The following BRD10 variants were observed in gnomAD, a reference collection of about 807,000 sequenced individuals.
BRD10 encodes the protein bromodomain containing 10.
chr9:5,939,965 G>A, the BRD10 span, among the ~76,000 whole-genome samples: 1 of 152,178 alleles, frequency 6.6e-6, no homozygotes, highest in African/African-American at 2.4e-5. Flanking sequence ...AAAACTGGGG[G>A]AGTTAGCATC....
the BRD10 span, among the ~76,000 whole-genome samples, chr9:5,999,807 T>C: frequency 6.6e-6 from 1 of 151,910 alleles, no homozygotes; most frequent in African/African-American, 2.4e-5. Context: ...ATATCCATCT[T>C]TGAATCTCCC....
the BRD10 span, among the ~76,000 whole-genome samples, chr9:5,880,258 A>G: frequency 6.6e-6 from 1 of 151,062 alleles, no homozygotes; most frequent in South Asian, 2.1e-4. Context: ...AAACAAGCCA[A>G]ATCCCAGCAC....
At chr9:5,951,035 T>TACACACACACAC in the BRD10 span, among the ~76,000 whole-genome samples, 1 of 141,664 alleles carries the variant, frequency 7.1e-6, no homozygotes, top group Non-Finnish European at 1.5e-5. Flanking sequence ...GGGCTGACTG[T>TACACACACACAC]ACACACACAC....
the BRD10 span, among the ~76,000 whole-genome samples, chr9:5,957,001 T>G: frequency 2.0e-5 from 3 of 152,070 alleles, no homozygotes; most frequent in Non-Finnish European, 4.4e-5. Context: ...TGTTTACAAT[T>G]CTGAGGGTCC....
chr9:5,933,648 G>C, the BRD10 span: 25 of 384,452 alleles, frequency 6.5e-5, no homozygotes, highest in East Asian at 1.8e-3. Context: ...ATAACTTAAG[G>C]AATCATAAAG....
chr9:5,924,602 CAA>C, the BRD10 span: 1 of 1,128,232 alleles, frequency 8.9e-7, no homozygotes. Context: ...TCACAGCAAA[CAA>C]AAACTTCTCT....
At chr9:5,946,281 T>C in the BRD10 span, among the ~76,000 whole-genome samples, 21 of 152,092 alleles carry the variant, frequency 1.4e-4, no homozygotes, top group Non-Finnish European at 2.4e-4. Context: ...ATTCATAGAA[T>C]TGACCAAGTA....
the BRD10 span, among the ~76,000 whole-genome samples, chr9:5,905,289 G>A: frequency 8.5e-5 from 13 of 152,122 alleles, no homozygotes; most frequent in African/African-American, 2.9e-4. Context: ...GGGACCCCAG[G>A]GAAACCTGAA....
At chr9:5,908,671 T>C in the BRD10 span, 1 of 1,614,118 alleles carries the variant, frequency 6.2e-7, no homozygotes, top group Non-Finnish European at 8.5e-7. Flanking sequence ...TATGAGAAAC[T>C]CTCTGCAGAA....
At chr9:5,982,033 T>TTATG in the BRD10 span, among the ~76,000 whole-genome samples, 11 of 136,260 alleles carry the variant, frequency 8.1e-5, no homozygotes, top group South Asian at 5.4e-4. Flanking sequence ...TATTGAAATT[T>TTATG]TATGTATGTA....
the BRD10 span, among the ~76,000 whole-genome samples, chr9:5,944,104 C>T: frequency 4.3e-4 from 65 of 152,180 alleles, 1 homozygote; most frequent in South Asian, 0.012. Context: ...TCATGATATT[C>T]CTAAGGCGCA....
At chr9:5,940,944 C>G in the BRD10 span, among the ~76,000 whole-genome samples, 8 of 152,020 alleles carry the variant, frequency 5.3e-5, no homozygotes. Flanking sequence ...CATCACATAA[C>G]CCAGAAGAGG....
chr9:5,940,361 A>G, the BRD10 span, among the ~76,000 whole-genome samples: 1 of 151,732 alleles, frequency 6.6e-6, no homozygotes, highest in East Asian at 1.9e-4. Flanking sequence ...AGCCTGGCTA[A>G]TTTTTGTATT....
the BRD10 span, among the ~76,000 whole-genome samples, chr9:5,907,764 C>T: frequency 1.3e-5 from 2 of 152,164 alleles, no homozygotes; most frequent in East Asian, 3.9e-4. Context: ...ACCAGCCTGG[C>T]AAACATGGTG....
the BRD10 span, among the ~76,000 whole-genome samples, chr9:5,976,758 A>G: frequency 6.6e-6 from 1 of 151,908 alleles, no homozygotes; most frequent in Non-Finnish European, 1.5e-5. Flanking sequence ...GTCAACACTA[A>G]GTAGGGAAAG....
the BRD10 span, among the ~76,000 whole-genome samples, chr9:5,991,696 G>A: frequency 7.0e-6 from 1 of 143,468 alleles, no homozygotes; most frequent in African/African-American, 2.6e-5. Context: ...TTGCATTCCA[G>A]CCTGGGCGAC....
At chr9:6,008,235 G>GCTCCGGCTC in the BRD10 span, 4 of 980,704 alleles carry the variant, frequency 4.1e-6, no homozygotes, top group Non-Finnish European at 3.6e-6. Flanking sequence ...CGCAGCGGCG[G>GCTCCGGCTC]CTCCGGCTCC....
chr9:5,882,594 G>C, the BRD10 span, among the ~76,000 whole-genome samples: 2 of 152,168 alleles, frequency 1.3e-5, no homozygotes, highest in Non-Finnish European at 2.9e-5. Context: ...ATTACTGCCT[G>C]TCCAGTCTCA....
the BRD10 span, among the ~76,000 whole-genome samples, chr9:5,908,006 T>C: frequency 2.0e-5 from 3 of 152,150 alleles, no homozygotes; most frequent in Non-Finnish European, 2.9e-5. Flanking sequence ...CATATTTCTA[T>C]TGGACAGCAC....
Sources: gnomAD v4.1 joint callset for allele counts (sites outside exome capture counted in the v4.1 genomes callset) on GRCh38, gnomAD v4.1.1 for gene constraint, MANE v1.5 for transcripts, NCBI Gene and HGNC (gene_info 2026-07-23, HGNC 2026-07-21) for gene names.